Variants in ALOX5 observed in about 807,000 individuals in gnomAD.
ALOX5 encodes arachidonate 5-lipoxygenase, also known as polyunsaturated fatty acid 5-lipoxygenase.
ALOX5 carries 64 observed loss-of-function variants against 87.9 expected under a neutral mutation model. The observed-to-expected ratio is 0.73, with a 90% CI of 0.60 to 0.90. ALOX5 has a LOEUF of 0.90. Ranked by LOEUF, ALOX5 falls within the 40% of genes least tolerant of loss-of-function variation. The pLI is 0.00. For synonymous variants in ALOX5, 388 were observed against 355.1 expected, an observed-to-expected ratio of 1.09 and a Z score of -1.04; for missense variants, 822 against 907.5, an observed-to-expected ratio of 0.91 and a Z score of 1.21.
chr10:45,378,449 G>A (rs150479461), intron 1 of ALOX5, among the ~76,000 whole-genome samples: 185 of 152,326 alleles, frequency 1.2e-3, no homozygotes, highest in Non-Finnish European at 2.0e-3. Context: ...CAGGCCCAGT[G>A]CTTCCTGAGG....
chr10:45,377,756 G>A (rs1015934295), intron 1 of ALOX5, among the ~76,000 whole-genome samples: 2 of 152,164 alleles, frequency 1.3e-5, no homozygotes, highest in Non-Finnish European at 2.9e-5. Flanking sequence ...TCCGCAGAGA[G>A]ATCCGTCTCC....
intron 4 of ALOX5, among the ~76,000 whole-genome samples, chr10:45,420,968 G>A (rs1326140731): frequency 6.6e-6 from 1 of 152,264 alleles, no homozygotes; most frequent in Non-Finnish European, 1.5e-5. Context: ...AACAGCTGGT[G>A]CCCAGCCTGG....
chr10:45,396,934 A>G (rs1445191755), intron 3 of ALOX5, among the ~76,000 whole-genome samples: 1 of 152,236 alleles, frequency 6.6e-6, no homozygotes, highest in Non-Finnish European at 1.5e-5. Flanking sequence ...TGAATTCACC[A>G]TATCAATAGA....
chr10:45,380,011 C>A (rs1015455983), intron 1 of ALOX5, among the ~76,000 whole-genome samples: 1 of 152,134 alleles, frequency 6.6e-6, no homozygotes, highest in African/African-American at 2.4e-5. Context: ...GGGGCAGGCC[C>A]GACGCGTATC....
intron 9 of ALOX5, chr10:45,441,714 C>A (rs777581638): frequency 4.4e-6 from 2 of 450,068 alleles, no homozygotes. Context: ...GTAGACCCCC[C>A]TCTGGAACAC....
At chr10:45,380,995 T>G (rs1036205192) in intron 1 of ALOX5, among the ~76,000 whole-genome samples, 14 of 152,246 alleles carry the variant, frequency 9.2e-5, no homozygotes, top group Non-Finnish European at 1.9e-4. Flanking sequence ...TTTCCAAACC[T>G]GCTGGTCATC....
chr10:45,444,115 G>C lies in ALOX5; in HGVS notation c.1675-1G>C. ...ACGCTTGCTGGCGGTCGTCTCCGCA[G>C]TACGACTGGTGCTCCTGGATCCCCA... On this transcript the variant is annotated splice_acceptor_variant, in intron 12 of 13. Transcript: ENST00000374391. LOFTEE classifies it high-confidence loss of function. 1 of 1,540,458 alleles carries C rather than the reference G, an allele frequency of 6.5e-7. No individual in the cohort carries two copies. The highest frequency in any genetic ancestry group is 8.8e-7 in the Non-Finnish European group (1 of 1,140,444).
At chr10:45,408,991 TA>T (rs921994769) in intron 3 of ALOX5, among the ~76,000 whole-genome samples, 8 of 152,208 alleles carry the variant, frequency 5.3e-5, no homozygotes, top group African/African-American at 1.9e-4. Context: ...AAATTCAGCC[TA>T]AAAGTTTCTC....
At chr10:45,434,109 C>T (rs1306901725) in intron 7 of ALOX5, among the ~76,000 whole-genome samples, 1 of 152,218 alleles carries the variant, frequency 6.6e-6, no homozygotes, top group Non-Finnish European at 1.5e-5. Context: ...CGGGATTTTC[C>T]TTCATTTCCA....
intron 1 of ALOX5, among the ~76,000 whole-genome samples, chr10:45,376,449 C>T (rs1839617318): frequency 6.6e-6 from 1 of 152,180 alleles, no homozygotes; most frequent in Non-Finnish European, 1.5e-5. Flanking sequence ...TTACTCAACA[C>T]TTTCTCTTGC....
intron 3 of ALOX5, among the ~76,000 whole-genome samples, chr10:45,403,393 G>A (rs1281355692): frequency 2.0e-5 from 3 of 152,198 alleles, no homozygotes; most frequent in Non-Finnish European, 4.4e-5. Flanking sequence ...GTTTAGGGAG[G>A]TGTGTCATAG....
Position 45,444,158 on chromosome 10 carries a change from C to A in ALOX5, c.1717C>A (p.Arg573=). 6.4e-7 allele frequency: 1 copy of A among 1,554,504 alleles called. No individual in the cohort carries two copies. The highest frequency in any genetic ancestry group is 1.2e-5 in the South Asian group (1 of 84,298). ...GATCCCCAATGCGCCCCCAACCATG[C>A]GAGCCCCGCCACCGACTGCCAAGGG... ...SWIPNAPPTM[R]APPPTAKGVV... is the part of the protein sequence containing the mutation. The change falls in exon 13 of 14, where the codon CGA becomes AGA. Residue 573 remains arginine, a synonymous_variant. Transcript: ENST00000374391.
intron 9 of ALOX5, among the ~76,000 whole-genome samples, chr10:45,442,436 C>T (rs1842266009): frequency 6.6e-6 from 1 of 152,240 alleles, no homozygotes; most frequent in South Asian, 2.1e-4. Flanking sequence ...TTCTTCAAAA[C>T]CTCTGTGGCA....
chr10:45,405,739 CTT>C (rs11463810), intron 3 of ALOX5, among the ~76,000 whole-genome samples: 4,393 of 139,304 alleles, frequency 0.032, 143 homozygotes, highest in African/African-American at 0.08. Flanking sequence ...ATTCATCTAC[CTT>C]TTTTTTTTTT....
chr10:45,425,026 C>T lies in ALOX5; in HGVS notation c.728C>T (p.Pro243Leu), dbSNP rs777420331. 6.2e-7 allele frequency: 1 copy of T among 1,614,228 alleles called. No homozygotes were observed. Among genetic ancestry groups the T allele is most frequent in the Non-Finnish European group, 8.5e-7 (1 of 1,180,038 alleles). ...TACCAGTTCCTGAATGGCTGCAACC[C>T]TGTGTTGATCCGGCGCTGCACAGAG... ...FGYQFLNGCNPVLIRRCTELP... is the reference protein window; with the variant it reads ...FGYQFLNGCNLVLIRRCTELP... Residue 243 changes from proline (P) to leucine (L), a missense_variant, in exon 6 of 14, where the codon CCT becomes CTT. Transcript: ENST00000374391. This position sits in a 1 kb window ranked among gnomAD's most constrained non-coding sequence, Gnocchi z 4.4.
chr10:45,392,723 AAAG>A (rs941125083), intron 2 of ALOX5, among the ~76,000 whole-genome samples: 12 of 151,636 alleles, frequency 7.9e-5, no homozygotes, highest in East Asian at 4.0e-4. Flanking sequence ...AAGAAAAAAA[AAAG>A]AAGAGAAGAA....
intron 7 of ALOX5, among the ~76,000 whole-genome samples, chr10:45,436,385 T>G (rs555803432): frequency 2.6e-5 from 4 of 152,366 alleles, no homozygotes; most frequent in Admixed American, 2.6e-4. Flanking sequence ...AAGTTTGAAG[T>G]CTTACATTTA....
Position 45,417,635 on chromosome 10 carries a change from A to T in ALOX5, c.554+5322A>T, listed in dbSNP as rs1841343756. Among the ~76,000 whole-genome samples the T allele has an allele frequency of 2.0e-5, 3 of 152,324 alleles. No individual in the cohort carries two copies. In the South Asian group the frequency reaches 6.2e-4, roughly 32 times the overall value. ...TATAATTTGTTGGAGGCTCGCTCTA[A>T]AAAGTAAATATAATTTCTTGGTTGG... On this transcript the variant is annotated intron_variant, in intron 4 of 13. Coordinates refer to ENST00000374391, the MANE Select transcript of ALOX5 (RefSeq NM_000698.5).
Position 45,425,191 on chromosome 10 carries a change from TTCC to T in ALOX5, c.834+64_834+66del. Reference sequence around the variant, plus strand: ...TCACAGTCTGTCAGGTGGAAGCCAGTTCCTCCTGGCCAGTGCTCATAGGCCACC... The same window carrying T: ...TCACAGTCTGTCAGGTGGAAGCCAGTTCCTGGCCAGTGCTCATAGGCCACC... On this transcript the variant is annotated intron_variant, in intron 6 of 13. Coordinates refer to ENST00000374391, the MANE Select transcript of ALOX5 (RefSeq NM_000698.5). This position sits in a 1 kb window ranked among gnomAD's most constrained non-coding sequence, Gnocchi z 4.4. The T allele has an allele frequency of 1.3e-6, 2 of 1,558,206 alleles. No individual in the cohort carries two copies. Among genetic ancestry groups the T allele is most frequent in the Non-Finnish European group, 1.7e-6 (2 of 1,149,342 alleles).
Sources: gnomAD v4.1 joint callset for allele counts (sites outside exome capture counted in the v4.1 genomes callset) on GRCh38, gnomAD v4.1.1 for gene constraint, Gnocchi (gnomAD v3.1) non-coding constraint, MANE v1.5 for transcripts, NCBI Gene and HGNC (gene_info 2026-07-23, HGNC 2026-07-21) for gene names.